The following IMPA2 variants were observed in gnomAD, a reference collection of about 807,000 sequenced individuals.
The protein encoded by IMPA2 is IMP 2.
Under a neutral mutation model 35.1 loss-of-function variants are expected in IMPA2, and 32 were observed. The observed-to-expected ratio is 0.91, with a 90% CI of 0.69 to 1.23. The LOEUF (loss-of-function observed/expected upper bound fraction) is 1.23, where lower values mean the gene tolerates loss of function less well. Among genes scored for constraint, IMPA2 ranks in the 50% most tolerant of loss-of-function variants. IMPA2 has a pLI of 0.00. For synonymous variants in IMPA2, 135 were observed against 160.6 expected (o/e 0.84, Z 1.20); for missense variants, 334 against 387.6 (o/e 0.86, Z 1.16).
chr18:12,027,599 A>C (rs1335803958), intron 5 of IMPA2, among the ~76,000 whole-genome samples: 2 of 145,304 alleles, frequency 1.4e-5, no homozygotes, highest in African/African-American at 5.1e-5. Context: ...TTAAAGAAAC[A>C]GGGACTTGCT....
chr18:11,983,819 G>C (rs1260346656), intron 1 of IMPA2, among the ~76,000 whole-genome samples: 2 of 152,148 alleles, frequency 1.3e-5, no homozygotes, highest in Non-Finnish European at 2.9e-5. Context: ...ATCGGAACCT[G>C]TGTAAAGAGG....
chr18:11,992,599 A>G (rs1906848354), intron 1 of IMPA2, among the ~76,000 whole-genome samples: 1 of 148,798 alleles, frequency 6.7e-6, no homozygotes, highest in Non-Finnish European at 1.5e-5. Context: ...CCCATATTTT[A>G]TATGTTATAC....
At chr18:11,993,875 GCCT>G (rs571411984) in intron 1 of IMPA2, 1 of 152,356 alleles carries the variant, frequency 6.6e-6, no homozygotes, top group South Asian at 2.1e-4. Flanking sequence ...GGTGTGAAGG[GCCT>G]TGCACACCTG....
chr18:11,993,155 A>G (rs1475499678), intron 1 of IMPA2, among the ~76,000 whole-genome samples: 9 of 152,220 alleles, frequency 5.9e-5, no homozygotes, highest in Non-Finnish European at 1.3e-4. Context: ...TGATTCCTAA[A>G]ACAACCCAAT....
intron 1 of IMPA2, among the ~76,000 whole-genome samples, chr18:11,993,087 T>C (rs1449128129): frequency 1.3e-5 from 2 of 152,158 alleles, no homozygotes; most frequent in Non-Finnish European, 2.9e-5. Context: ...CTGATACTGG[T>C]GAGGTTCTGT....
chr18:12,023,196 A>G (rs571347526), intron 5 of IMPA2, among the ~76,000 whole-genome samples: 2 of 152,308 alleles, frequency 1.3e-5, no homozygotes, highest in South Asian at 4.2e-4. Context: ...ATTCAGAGCA[A>G]GCTTTTCACA....
In IMPA2 at chr18:12,012,151, T is replaced by A. The variant is rs1298929190; in HGVS notation, c.336-19T>A. ...CCGCTCTTGTTCCAGAGAGTAAACC[T>A]TTCTATTTTCCTTTGCAGATTCCCG... On this transcript the variant is annotated intron_variant, in intron 3 of 7. Transcript: ENST00000269159. The A allele has an allele frequency of 6.2e-7, 1 of 1,613,686 alleles. No individual in the cohort carries two copies. Among genetic ancestry groups the A allele is most frequent in the Non-Finnish European group, 8.5e-7 (1 of 1,179,690 alleles).
chr18:11,999,907 G>T (rs1489834018), intron 2 of IMPA2, among the ~76,000 whole-genome samples: 1 of 152,230 alleles, frequency 6.6e-6, no homozygotes, highest in African/African-American at 2.4e-5. Flanking sequence ...ACTCTGGGGG[G>T]CTCTAAGGCC....
rs11390149 is a variant in IMPA2, at chr18:11,991,846, A to ATTTT, written c.97-7196_97-7193dup. 4.9e-4 allele frequency among the ~76,000 whole-genome samples: 70 copies of ATTTT among 144,168 alleles called. 1 individual carries two copies. The highest frequency in any genetic ancestry group is 1.7e-3 in the East Asian group (8 of 4,792). 94.6% of individuals were successfully genotyped at this position (144,168 alleles called of 152,430 possible). On this transcript the variant is annotated intron_variant, in intron 1 of 7. Coordinates refer to ENST00000269159, the MANE Select transcript of IMPA2 (RefSeq NM_014214.3). This position sits in a 1 kb window ranked among gnomAD's most constrained non-coding sequence, Gnocchi z 4.1. Reference sequence around the variant, plus strand: ...TGCCCTCGCAGAAACACCCAGAACAATTTTTTTTTTTTTTTGAGATGGAGC... The same window carrying ATTTT: ...TGCCCTCGCAGAAACACCCAGAACAATTTTTTTTTTTTTTTTTTTGAGATGGAGC...
intron 4 of IMPA2, chr18:12,012,429 G>T: frequency 1.7e-6 from 1 of 576,788 alleles, no homozygotes; most frequent in Non-Finnish European, 3.1e-6. Context: ...GCTGGCCCTT[G>T]TCCCCCGTGG....
intron 1 of IMPA2, among the ~76,000 whole-genome samples, chr18:11,992,242 T>C (rs923596647): frequency 6.6e-6 from 1 of 152,242 alleles, no homozygotes; most frequent in African/African-American, 2.4e-5. Context: ...GCAGTAAATC[T>C]GGAAGCATAA....
intron 1 of IMPA2, among the ~76,000 whole-genome samples, chr18:11,989,258 A>G (rs1906744776): frequency 6.6e-6 from 1 of 152,146 alleles, no homozygotes; most frequent in South Asian, 2.1e-4. Context: ...TCTCCAGAAA[A>G]GGCTTCCCTG....
chr18:12,011,711 C>T (rs1907438924), intron 3 of IMPA2, among the ~76,000 whole-genome samples: 1 of 152,252 alleles, frequency 6.6e-6, no homozygotes, highest in Non-Finnish European at 1.5e-5. Flanking sequence ...ACTGGGCACT[C>T]AGGCAGGGAT....
chr18:12,008,728 G>A (rs1907349072), intron 2 of IMPA2: 1 of 361,672 alleles, frequency 2.8e-6, no homozygotes, highest in African/African-American at 2.1e-5. Flanking sequence ...AGGGGGTGCT[G>A]GGAGTTGCCA....
Position 11,983,606 on chromosome 18 carries a change from C to T in IMPA2, c.96+1841C>T, listed in dbSNP as rs189272217. Among the ~76,000 whole-genome samples the T allele has an allele frequency of 5.3e-3, 812 of 152,220 alleles. 8 individuals are homozygous for T. Among genetic ancestry groups the T allele is most frequent in the African/African-American group, 0.018 (763 of 41,556 alleles). ...ACTTAAGAGATATTTTATGTTTTTG[C>T]AACTTGCCAGCAACAAAAAAAGCTT... On this transcript the variant is annotated intron_variant, in intron 1 of 7. Coordinates refer to ENST00000269159, the MANE Select transcript of IMPA2 (RefSeq NM_014214.3).
intron 5 of IMPA2, among the ~76,000 whole-genome samples, chr18:12,025,726 C>T (rs575997831): frequency 3.8e-4 from 58 of 151,932 alleles, no homozygotes; most frequent in African/African-American, 1.3e-3. Context: ...ATTACAGGCA[C>T]GTGCTGCCAT....
intron 5 of IMPA2, among the ~76,000 whole-genome samples, chr18:12,027,536 T>C (rs1907913415): frequency 1.3e-5 from 2 of 152,000 alleles, no homozygotes; most frequent in Admixed American, 1.3e-4. Flanking sequence ...TTTGGAGTCA[T>C]TTTGCTTTTC....
intron 5 of IMPA2, among the ~76,000 whole-genome samples, chr18:12,015,196 G>A (rs1262413285): frequency 6.6e-6 from 1 of 152,164 alleles, no homozygotes; most frequent in African/African-American, 2.4e-5. Flanking sequence ...GCTTGTTTCT[G>A]CCTTGTGTGT....
At chr18:11,996,851 C>T (rs570325379) in intron 1 of IMPA2, among the ~76,000 whole-genome samples, 9 of 152,118 alleles carry the variant, frequency 5.9e-5, no homozygotes, top group Non-Finnish European at 8.8e-5. Flanking sequence ...CCCCACACCA[C>T]ACCAACACAC....
Sources: gnomAD v4.1 joint callset for allele counts (sites outside exome capture counted in the v4.1 genomes callset) on GRCh38, gnomAD v4.1.1 for gene constraint, Gnocchi (gnomAD v3.1) non-coding constraint, MANE v1.5 for transcripts, NCBI Gene and HGNC (gene_info 2026-07-23, HGNC 2026-07-21) for gene names.